ANKFY1: variants seen among roughly 807,000 people sequenced by gnomAD.
ANKFY1 encodes ankyrin repeat and FYVE domain containing 1, also known as ankyrin repeat and FYVE domain-containing protein 1.
A neutral mutation model predicts 128.3 loss-of-function variants in ANKFY1; 47 were observed. That is an observed-to-expected ratio of 0.37 (90% confidence interval 0.29 to 0.47). The LOEUF (loss-of-function observed/expected upper bound fraction) is 0.47, where lower values mean the gene tolerates loss of function less well. ANKFY1 is among the 20% of genes least tolerant of loss of function. The pLI, the probability that ANKFY1 is intolerant of heterozygous loss-of-function variation, is 1.00. For synonymous variants in ANKFY1, 553 were observed against 601.6 expected (o/e 0.92, Z 1.18); for missense variants, 1,222 against 1,510.6 (o/e 0.81, Z 3.17).
intron 1 of ANKFY1, among the ~76,000 whole-genome samples, chr17:4,258,403 T>C (rs1968236809): frequency 6.6e-6 from 1 of 151,708 alleles, no homozygotes; most frequent in Non-Finnish European, 1.5e-5. Context: ...CGGGCGCCTG[T>C]AGTCCCAGCT....
At chr17:4,234,509 CTT>C (rs201777022) in intron 3 of ANKFY1, among the ~76,000 whole-genome samples, 12 of 143,128 alleles carry the variant, frequency 8.4e-5, no homozygotes, top group Admixed American at 2.1e-4. Flanking sequence ...TTAATTTTTT[CTT>C]TTTTTTTTTT....
chr17:4,199,685 T>C (rs546065363), intron 7 of ANKFY1, among the ~76,000 whole-genome samples: 2 of 152,320 alleles, frequency 1.3e-5, no homozygotes, highest in East Asian at 3.9e-4. Flanking sequence ...TACAAATACA[T>C]GGTTAAACTC....
At chr17:4,194,171 C>A (rs987599309) in intron 10 of ANKFY1, among the ~76,000 whole-genome samples, 1 of 141,412 alleles carries the variant, frequency 7.1e-6, no homozygotes, top group Admixed American at 7.4e-5. Flanking sequence ...TGCGATGGCA[C>A]GATCTTGGCT....
intron 3 of ANKFY1, chr17:4,223,428 G>C (rs2060362139): frequency 1.4e-6 from 2 of 1,384,568 alleles, no homozygotes; most frequent in Admixed American, 1.7e-5. Flanking sequence ...CTGGCTGCTA[G>C]GAACTGTATC....
Position 4,189,415 on chromosome 17 carries a change from G to C in ANKFY1, c.1437C>G (p.Thr479=). The C allele has an allele frequency of 6.3e-7, 1 of 1,592,082 alleles. No individual in the cohort carries two copies. Among genetic ancestry groups the C allele is most frequent in the Non-Finnish European group, 8.6e-7 (1 of 1,166,610 alleles). Residue 479 remains threonine (T), a synonymous_variant, in exon 11 of 25, where the codon ACC becomes ACG. Coordinates refer to ENST00000341657, the MANE Select transcript of ANKFY1 (RefSeq NM_001330063.2). The part of the protein sequence containing the change: ...GNEAAALFLA[T]NGAHVNHRNK... ...TTCTGTGGTTGACATGGGCACCGTTGGTTGCCAGGAAAAGAGCTGCTGCCT... is the reference window on the plus strand; with the variant it reads ...TTCTGTGGTTGACATGGGCACCGTTCGTTGCCAGGAAAAGAGCTGCTGCCT...
At position 4,169,177 on chromosome 17, in the gene ANKFY1, C is replaced by T; in HGVS notation, c.3377+21G>A. On this transcript the variant is annotated intron_variant, in intron 24 of 24. Coordinates refer to ENST00000341657, the MANE Select transcript of ANKFY1 (RefSeq NM_001330063.2). This position sits in a 1 kb window ranked among gnomAD's most constrained non-coding sequence, Gnocchi z 5.0. ...TCAGCGGCAGTCCCCTCGCTCCTTG[C>T]CAGTGACGCTGGGGTCTTACCAGTG... 1 of 1,544,328 alleles carries T rather than the reference C, an allele frequency of 6.5e-7. No homozygotes were observed. Among genetic ancestry groups the T allele is most frequent in the Non-Finnish European group, 8.8e-7 (1 of 1,140,646 alleles).
At chr17:4,201,792 G>A (rs936449388) in intron 7 of ANKFY1, among the ~76,000 whole-genome samples, 1 of 152,124 alleles carries the variant, frequency 6.6e-6, no homozygotes, top group African/African-American at 2.4e-5. Flanking sequence ...CAGGCAGCAG[G>A]TAACATGCAT....
chr17:4,189,381 C>G lies in ANKFY1; in HGVS notation c.1470+1G>C. 4 of 1,577,742 alleles carry G rather than the reference C, an allele frequency of 2.5e-6. No individual in the cohort carries two copies. The highest frequency in any genetic ancestry group is 3.5e-6 in the Non-Finnish European group (4 of 1,158,254). Reference sequence around the variant, plus strand: ...TTCTCCGGCTGCCCTGTCACACTTACCCACTTGTTTCTGTGGTTGACATGG... The same window carrying G: ...TTCTCCGGCTGCCCTGTCACACTTAGCCACTTGTTTCTGTGGTTGACATGG... On this transcript the variant is annotated splice_donor_variant, in intron 11 of 24. Coordinates refer to ENST00000341657, the MANE Select transcript of ANKFY1 (RefSeq NM_001330063.2). LOFTEE classifies it high-confidence loss of function.
chr17:4,247,479 C>A (rs1598145704), intron 1 of ANKFY1, among the ~76,000 whole-genome samples: 1 of 152,174 alleles, frequency 6.6e-6, no homozygotes, highest in East Asian at 1.9e-4. Context: ...CCCCACCCGG[C>A]AGCTTTTGTC....
chr17:4,191,541 T>A (rs113022504), intron 10 of ANKFY1, among the ~76,000 whole-genome samples: 2 of 150,228 alleles, frequency 1.3e-5, no homozygotes, highest in Non-Finnish European at 3.0e-5. Context: ...TGATGGTTAC[T>A]CTAATCTGGA....
intron 4 of ANKFY1, among the ~76,000 whole-genome samples, chr17:4,213,339 G>A (rs1357265833): frequency 4.6e-5 from 7 of 151,500 alleles, no homozygotes; most frequent in Non-Finnish European, 5.9e-5. Flanking sequence ...ATAGGCGCCC[G>A]CCACCACGAC....
At position 4,163,976 on chromosome 17, in the gene ANKFY1, A is replaced by T. The variant is rs2059168720; in HGVS notation, c.*3803T>A. 6.5e-6 allele frequency: 1 copy of T among 152,692 alleles called. No individual in the cohort carries two copies. The highest frequency in any genetic ancestry group is 2.1e-4 in the South Asian group (1 of 4,838). 9.5% of individuals were successfully genotyped at this position (152,692 alleles called of 1,614,324 possible). A position where few individuals can be genotyped will look rare whatever the true frequency, so the allele number is the denominator to read the frequency against. On this transcript the variant is annotated 3_prime_UTR_variant, in exon 25 of 25. Transcript: ENST00000341657. The stretch of plus-strand genomic sequence containing the variant: ...GCAAATATCAGTATTTGAAAAATAC[A>T]TTCCATTACACAGACTCCAAAGAAA...
chr17:4,184,005 G>GTATATA (rs747864257), intron 12 of ANKFY1, 95 bp from the exon 13 acceptor site: 108 of 997,784 alleles, frequency 1.1e-4, no homozygotes, highest in Middle Eastern at 2.0e-4. Context: ...TGCCTGTTGG[G>GTATATA]TATAATATGA....
intron 1 of ANKFY1, among the ~76,000 whole-genome samples, chr17:4,245,541 A>C (rs566522345): frequency 6.2e-4 from 94 of 151,614 alleles, no homozygotes; most frequent in Middle Eastern, 3.4e-3. Flanking sequence ...GGGCCTTGCT[A>C]TGTTGCCAGG....
At chr17:4,232,993 C>T (rs1003206725) in intron 3 of ANKFY1, among the ~76,000 whole-genome samples, 1 of 151,082 alleles carries the variant, frequency 6.6e-6, no homozygotes, top group Admixed American at 6.6e-5. Context: ...TCCCAGAAGT[C>T]AGATAATGAA....
Position 4,178,683 on chromosome 17 carries a change from G to A in ANKFY1, c.2598+174C>T, listed in dbSNP as rs1264643951. 2.0e-5 allele frequency: 13 copies of A among 665,490 alleles called. 1 individual carries two copies. The highest frequency in any genetic ancestry group is 7.5e-5 in the South Asian group (4 of 53,342). 41.2% of individuals were successfully genotyped at this position (665,490 alleles called of 1,614,324 possible). On this transcript the variant is annotated intron_variant, in intron 18 of 24. Transcript: ENST00000341657. The surrounding 1 kb of genome is among the most constrained non-coding windows in gnomAD (Gnocchi z 4.1). ...GCGCTGACACACAGGCAGAGGAGCC[G>A]GATCTCATCCTGCACGGATGGGACA...
At chr17:4,177,003 G>A (rs768722902) in intron 19 of ANKFY1, 123 bp downstream of exon 19, 55 of 1,069,514 alleles carry the variant, frequency 5.1e-5, no homozygotes, top group African/African-American at 8.2e-5. Flanking sequence ...CACCAGCCTC[G>A]CTCCCCAAAT....
Position 4,165,834 on chromosome 17 carries a change from A to C in ANKFY1, c.*1945T>G, listed in dbSNP as rs1371092487. 1 of 152,226 alleles carries C rather than the reference A, an allele frequency of 6.6e-6. No homozygotes were observed. Among genetic ancestry groups the C allele is most frequent in the Non-Finnish European group, 1.5e-5 (1 of 68,036 alleles). 9.4% of individuals were successfully genotyped at this position (152,226 alleles called of 1,614,324 possible). On this transcript the variant is annotated 3_prime_UTR_variant, in exon 25 of 25. Transcript: ENST00000341657. ...GACTCATCTCCCACATTCCTTTTAAAGAACAGGTATCCATGTACCAACCAC... is the reference window on the plus strand; with the variant it reads ...GACTCATCTCCCACATTCCTTTTAACGAACAGGTATCCATGTACCAACCAC...
At chr17:4,217,409 G>T (rs2143022923) in intron 3 of ANKFY1, among the ~76,000 whole-genome samples, 1 of 152,212 alleles carries the variant, frequency 6.6e-6, no homozygotes, top group Admixed American at 6.5e-5. Context: ...AATTAGCCGG[G>T]CCTGGTGGCG....
Sources: gnomAD v4.1 joint callset for allele counts (sites outside exome capture counted in the v4.1 genomes callset) on GRCh38, gnomAD v4.1.1 for gene constraint, Gnocchi (gnomAD v3.1) non-coding constraint, MANE v1.5 for transcripts, NCBI Gene and HGNC (gene_info 2026-07-23, HGNC 2026-07-21) for gene names.